Variants in BICD1 observed in about 807,000 individuals in gnomAD.
BICD1 encodes BICD cargo adaptor 1.
In BICD1, 35 loss-of-function variants were observed where a neutral mutation model predicts 92.5. That is an observed-to-expected ratio of 0.38 (90% confidence interval 0.29 to 0.50). The LOEUF (loss-of-function observed/expected upper bound fraction) is 0.50, where lower values mean the gene tolerates loss of function less well. Among genes scored for constraint, BICD1 ranks in the 20% least tolerant of loss-of-function variants. The probability of loss-of-function intolerance (pLI) is 0.93; values close to 1 mark genes in which losing one functional copy is unlikely to be tolerated. For missense variants in BICD1, 950 were observed against 1,189.8 expected, an observed-to-expected ratio of 0.80 and a Z score of 2.97; for synonymous variants, 429 against 465.1, an observed-to-expected ratio of 0.92 and a Z score of 1.00.
chr12:32,375,020 G>A (rs1241757274), intron 9 of BICD1, among the ~76,000 whole-genome samples: 2 of 130,760 alleles, frequency 1.5e-5, no homozygotes, highest in Admixed American at 1.8e-4. Context: ...CCGGGTTCAC[G>A]CCATTCTCCT....
intron 4 of BICD1, among the ~76,000 whole-genome samples, chr12:32,321,669 A>C (rs1362797591): frequency 1.3e-5 from 2 of 152,190 alleles, no homozygotes; most frequent in East Asian, 3.8e-4. Context: ...TAAGCTTTAA[A>C]GTGCTTTGCA....
At chr12:32,198,560 T>TC (rs1944804690) in intron 1 of BICD1, among the ~76,000 whole-genome samples, 1 of 149,714 alleles carries the variant, frequency 6.7e-6, no homozygotes, top group Non-Finnish European at 1.5e-5. Context: ...TTTTTTTATT[T>TC]AATCTGGTGG....
chr12:32,327,817 G>A lies in BICD1; in HGVS notation c.1362G>A (p.Lys454=), dbSNP rs753000203. The A allele has an allele frequency of 6.2e-7, 1 of 1,614,132 alleles. No homozygotes were observed. The highest frequency in any genetic ancestry group is 8.5e-7 in the Non-Finnish European group (1 of 1,180,028). ...SVENYTDEKA[K]YESKIQMYDE... ...AAAACTACACTGATGAGAAGGCCAA[G>A]TATGAGAGTAAAATCCAGATGTATG... Residue 454 remains lysine, a synonymous_variant, in exon 5 of 10, where the codon AAG becomes AAA. Coordinates refer to ENST00000652176, the MANE Select transcript of BICD1 (RefSeq NM_001714.4).
At chr12:32,216,574 A>C in intron 2 of BICD1, 115 bp downstream of exon 2, 1 of 1,086,992 alleles carries the variant, frequency 9.2e-7, no homozygotes, top group East Asian at 2.6e-5. Context: ...ATTAAGCACG[A>C]AACTACTAAT....
intron 2 of BICD1, among the ~76,000 whole-genome samples, chr12:32,290,311 T>C (rs1947692546): frequency 6.6e-6 from 1 of 152,210 alleles, no homozygotes; most frequent in Admixed American, 6.5e-5. Context: ...CCTTACAAGC[T>C]AGCCAGTGAG....
intron 1 of BICD1, among the ~76,000 whole-genome samples, chr12:32,188,792 A>G (rs998153139): frequency 8.6e-5 from 13 of 151,740 alleles, no homozygotes; most frequent in South Asian, 4.2e-4. Context: ...CAGTGGTGCA[A>G]TCTTGGCTCA....
chr12:32,235,316 G>C (rs1180065043), intron 2 of BICD1, among the ~76,000 whole-genome samples: 7 of 152,122 alleles, frequency 4.6e-5, no homozygotes. Flanking sequence ...CTGCTCTCTT[G>C]CCCTCAACAA....
chr12:32,307,177 C>T (rs1478550863), intron 4 of BICD1, among the ~76,000 whole-genome samples: 4 of 152,094 alleles, frequency 2.6e-5, no homozygotes, highest in African/African-American at 9.7e-5. Context: ...TTACATTTCA[C>T]AGGAATACTT....
rs189026414 is a variant in BICD1 at position 32,273,037 on chromosome 12, A to G, written c.427-20957A>G. Among the ~76,000 whole-genome samples the G allele has an allele frequency of 2.0e-5, 3 of 152,296 alleles. No individual in the cohort carries two copies. In the East Asian group the frequency reaches 5.8e-4, roughly 29 times the overall value. ...TCTGGAGTGTGTGAAGAAGAGGCCT[A>G]AGAATATTCTTAGGAAGGCAAAAAC... On this transcript the variant is annotated intron_variant, in intron 2 of 9. Transcript: ENST00000652176.
intron 2 of BICD1, among the ~76,000 whole-genome samples, chr12:32,256,349 C>T (rs1258195537): frequency 6.6e-6 from 1 of 152,126 alleles, no homozygotes; most frequent in African/African-American, 2.4e-5. Context: ...TACGCCCTGC[C>T]CTTTGCCATT....
chr12:32,150,594 T>C (rs1182547093), intron 1 of BICD1, among the ~76,000 whole-genome samples: 1 of 152,192 alleles, frequency 6.6e-6, no homozygotes, highest in African/African-American at 2.4e-5. Context: ...CTTGTTAACA[T>C]CTATGAATTC....
chr12:32,115,450 GTT>G (rs1392535133), intron 1 of BICD1, among the ~76,000 whole-genome samples: 1 of 148,878 alleles, frequency 6.7e-6, no homozygotes, highest in Non-Finnish European at 1.5e-5. Context: ...GCAGCCTGGT[GTT>G]TTAAATTTAG....
chr12:32,204,742 G>A (rs1311222939), intron 1 of BICD1, among the ~76,000 whole-genome samples: 1 of 152,156 alleles, frequency 6.6e-6, no homozygotes, highest in African/African-American at 2.4e-5. Context: ...TTCTCAAATG[G>A]TATGCCAAGA....
chr12:32,123,379 C>G (rs904425283), intron 1 of BICD1, among the ~76,000 whole-genome samples: 14 of 152,186 alleles, frequency 9.2e-5, no homozygotes, highest in African/African-American at 3.4e-4. Flanking sequence ...TCACAATGTT[C>G]TGCACTTTTT....
chr12:32,120,037 TA>T (rs1157467144), intron 1 of BICD1, among the ~76,000 whole-genome samples: 1 of 152,254 alleles, frequency 6.6e-6, no homozygotes. Context: ...AGATATATGT[TA>T]ACTTTGAGTG....
At chr12:32,357,102 C>A (rs191437950) in intron 8 of BICD1, among the ~76,000 whole-genome samples, 10 of 151,880 alleles carry the variant, frequency 6.6e-5, no homozygotes, top group Admixed American at 2.6e-4. Flanking sequence ...ACCTCCACCC[C>A]CCGGGTTCAA....
At chr12:32,365,586 G>A (rs1939499598) in intron 8 of BICD1, among the ~76,000 whole-genome samples, 1 of 152,168 alleles carries the variant, frequency 6.6e-6, no homozygotes, top group African/African-American at 2.4e-5. Context: ...CCCTGGCAAT[G>A]TAAGACATAA....
In BICD1 at chr12:32,276,230, C is replaced by A. The variant is rs56859103; in HGVS notation, c.427-17764C>A. Among the ~76,000 whole-genome samples, 1,443 of 152,254 alleles carry A rather than the reference C, an allele frequency of 9.5e-3. 15 individuals are homozygous for A. The highest frequency in any genetic ancestry group is 0.023 in the African/African-American group (952 of 41,542). Reference sequence around the variant, plus strand: ...CAATGTTAATGACATGGAAGGCACCCTTCCGGAGGAAATCTCAACTACACA... The same window carrying A: ...CAATGTTAATGACATGGAAGGCACCATTCCGGAGGAAATCTCAACTACACA... On this transcript the variant is annotated intron_variant, in intron 2 of 9. Transcript: ENST00000652176.
intron 2 of BICD1, among the ~76,000 whole-genome samples, chr12:32,238,330 A>G: frequency 6.6e-6 from 1 of 152,234 alleles, no homozygotes; most frequent in South Asian, 2.1e-4. Context: ...AAGCTTAAAG[A>G]TGTGACTGAA....
Sources: gnomAD v4.1 joint callset for allele counts (sites outside exome capture counted in the v4.1 genomes callset) on GRCh38, gnomAD v4.1.1 for gene constraint, MANE v1.5 for transcripts, NCBI Gene and HGNC (gene_info 2026-07-23, HGNC 2026-07-21) for gene names.